Variants in TLN2 observed in about 807,000 individuals in gnomAD.
TLN2 encodes talin 2, also known as talin-2.
A neutral mutation model predicts 294.7 loss-of-function variants in TLN2; 118 were observed. The observed-to-expected ratio is 0.40, with a 90% CI of 0.34 to 0.47. TLN2 has a LOEUF of 0.47. Ranked by LOEUF, TLN2 falls within the 20% of genes least tolerant of loss-of-function variation. The pLI, the probability that TLN2 is intolerant of heterozygous loss-of-function variation, is 0.84. For synonymous variants in TLN2, 1,431 were observed against 1,304.5 expected (o/e 1.10, Z -2.09); for missense variants, 3,083 against 3,282.2 (o/e 0.94, Z 1.48).
chr15:62,658,153 G>A (rs1283268920), intron 9 of TLN2: 9 of 203,000 alleles, frequency 4.4e-5, no homozygotes, highest in East Asian at 3.4e-4. Flanking sequence ...CTTCTACTTC[G>A]TCTTAGTGAA....
At chr15:62,561,541 T>C (rs1000541452) in intron 1 of TLN2, 6 of 152,272 alleles carry the variant, frequency 3.9e-5, no homozygotes, top group African/African-American at 1.2e-4. Flanking sequence ...TCTCCGCCCT[T>C]CTCTTGCATT....
intron 3 of TLN2, among the ~76,000 whole-genome samples, chr15:62,646,974 C>G (rs2051941437): frequency 6.6e-6 from 1 of 152,160 alleles, no homozygotes; most frequent in South Asian, 2.1e-4. Context: ...TCAGAAACCC[C>G]AAGGAGGGGG....
At chr15:62,699,460 G>T (rs2058576241) in intron 16 of TLN2, among the ~76,000 whole-genome samples, 1 of 151,814 alleles carries the variant, frequency 6.6e-6, no homozygotes, top group Non-Finnish European at 1.5e-5. Context: ...TGCCAACACT[G>T]CATGCCTGGG....
intron 1 of TLN2, among the ~76,000 whole-genome samples, chr15:62,578,732 C>A (rs1031747309): frequency 6.6e-6 from 1 of 150,568 alleles, no homozygotes; most frequent in Non-Finnish European, 1.5e-5. Flanking sequence ...ACATTTATTG[C>A]AGGTGTGCTG....
chr15:62,838,094 A>T (rs2069998477), intron 57 of TLN2: 1 of 152,238 alleles, frequency 6.6e-6, no homozygotes, highest in Non-Finnish European at 1.5e-5. Flanking sequence ...AGGAAAAATG[A>T]AAAGCTCTTC....
intron 2 of TLN2, among the ~76,000 whole-genome samples, chr15:62,609,140 T>C (rs988275629): frequency 1.3e-5 from 2 of 152,128 alleles, no homozygotes; most frequent in Non-Finnish European, 2.9e-5. Context: ...GACTGTTCTA[T>C]GTTACACAGC....
chr15:62,730,396 C>G (rs1176215922), intron 28 of TLN2, among the ~76,000 whole-genome samples: 1 of 152,098 alleles, frequency 6.6e-6, no homozygotes, highest in African/African-American at 2.4e-5. Flanking sequence ...AGTGTTGTTC[C>G]AGATAGTCCT....
chr15:62,699,901 G>T (rs2141093247), intron 16 of TLN2, among the ~76,000 whole-genome samples: 1 of 152,252 alleles, frequency 6.6e-6, no homozygotes, highest in South Asian at 2.1e-4. Context: ...GATTCTAATG[G>T]CCAGTCAGGG....
At chr15:62,667,447 C>T (rs2054849621) in intron 9 of TLN2, among the ~76,000 whole-genome samples, 1 of 152,160 alleles carries the variant, frequency 6.6e-6, no homozygotes, top group Admixed American at 6.5e-5. Context: ...CCCTATTGTA[C>T]CTCCACCATC....
At chr15:62,778,581 C>T (rs553413825) in intron 43 of TLN2, among the ~76,000 whole-genome samples, 1 of 152,228 alleles carries the variant, frequency 6.6e-6, no homozygotes, top group Non-Finnish European at 1.5e-5. Context: ...CTTTGATAGC[C>T]CTGTGCCTTA....
chr15:62,668,601 G>A (rs1308236015), intron 9 of TLN2, among the ~76,000 whole-genome samples: 1 of 152,202 alleles, frequency 6.6e-6, no homozygotes, highest in East Asian at 1.9e-4. Flanking sequence ...GTAACTTGGA[G>A]GGGTCAGGGT....
At chr15:62,416,522 C>T (rs983531773) in intron 1 of TLN2, among the ~76,000 whole-genome samples, 7 of 152,128 alleles carry the variant, frequency 4.6e-5, no homozygotes, top group African/African-American at 1.7e-4. Flanking sequence ...TTTATGTTTT[C>T]AAGATTAAAT....
intron 1 of TLN2, among the ~76,000 whole-genome samples, chr15:62,506,567 G>A (rs1371323457): frequency 6.6e-6 from 1 of 152,234 alleles, no homozygotes; most frequent in East Asian, 1.9e-4. Context: ...TGTTTCTGGA[G>A]CATTCCCAAC....
chr15:62,555,536 G>A (rs965875952), intron 1 of TLN2, among the ~76,000 whole-genome samples: 6 of 152,240 alleles, frequency 3.9e-5, no homozygotes, highest in East Asian at 1.9e-4. Context: ...TAACTGTGGC[G>A]TTTGCCACAC....
chr15:62,587,005 G>A (rs533638450), intron 1 of TLN2, among the ~76,000 whole-genome samples: 6 of 152,294 alleles, frequency 3.9e-5, no homozygotes, highest in Admixed American at 2.6e-4. Flanking sequence ...AGATAGATGG[G>A]ATTCCATTGG....
intron 1 of TLN2, among the ~76,000 whole-genome samples, chr15:62,531,187 C>T (rs1276725755): frequency 6.6e-6 from 1 of 152,176 alleles, no homozygotes; most frequent in Non-Finnish European, 1.5e-5. Context: ...GTCCCATCAA[C>T]AGATGAATAG....
chr15:62,613,681 A>T (rs369940637), intron 2 of TLN2, among the ~76,000 whole-genome samples: 21 of 152,280 alleles, frequency 1.4e-4, no homozygotes, highest in African/African-American at 5.1e-4. Flanking sequence ...TTTATTTGTA[A>T]TAACCTCAAA....
intron 1 of TLN2, among the ~76,000 whole-genome samples, chr15:62,486,074 T>C (rs1304558209): frequency 6.6e-6 from 1 of 152,214 alleles, no homozygotes; most frequent in Non-Finnish European, 1.5e-5. Context: ...ATTATAAACA[T>C]TTTGCCATAC....
chr15:62,522,303 C>G (rs1450393070), intron 1 of TLN2, among the ~76,000 whole-genome samples: 1 of 152,212 alleles, frequency 6.6e-6, no homozygotes, highest in Non-Finnish European at 1.5e-5. Flanking sequence ...AAAAGAGAAT[C>G]TGTGTCAGTA....
Sources: gnomAD v4.1 joint callset for allele counts (sites outside exome capture counted in the v4.1 genomes callset) on GRCh38, gnomAD v4.1.1 for gene constraint, MANE v1.5 for transcripts, NCBI Gene and HGNC (gene_info 2026-07-23, HGNC 2026-07-21) for gene names.